Variants in ASZ1 observed in about 807,000 individuals in gnomAD.
The protein encoded by ASZ1 is ankyrin repeat, SAM and basic leucine zipper domain containing 1.
ASZ1 carries 67 observed loss-of-function variants against 61.8 expected under a neutral mutation model. The ratio of observed to expected loss-of-function variants is 1.08; its 90% CI spans 0.89 to 1.33. ASZ1 has a LOEUF of 1.33. ASZ1 is among the 40% of genes most tolerant of loss of function. The pLI is 0.00. For synonymous variants in ASZ1, 193 were observed against 192.7 expected, an observed-to-expected ratio of 1.00 and a Z score of -0.01; for missense variants, 577 against 554.5, an observed-to-expected ratio of 1.04 and a Z score of -0.41.
intron 4 of ASZ1, among the ~76,000 whole-genome samples, chr7:117,402,118 A>G (rs1358811410): frequency 6.6e-6 from 1 of 152,176 alleles, no homozygotes; most frequent in Non-Finnish European, 1.5e-5. Context: ...AGGTTTTTCT[A>G]AGCACTTGAG....
chr7:117,407,410 A>G (rs1796805417), intron 4 of ASZ1, among the ~76,000 whole-genome samples: 1 of 141,378 alleles, frequency 7.1e-6, no homozygotes, highest in Non-Finnish European at 1.6e-5. Flanking sequence ...ACACGGAAGT[A>G]AAAAAAAAAA....
At chr7:117,399,698 T>G (rs1796643748) in intron 4 of ASZ1, among the ~76,000 whole-genome samples, 2 of 146,798 alleles carry the variant, frequency 1.4e-5, no homozygotes. Flanking sequence ...GGGTGGGGGC[T>G]GGGAGGTTTG....
rs117245858 is a variant in ASZ1, at chr7:117,411,348, A to G, written c.440+8815T>C. On this transcript the variant is annotated intron_variant, in intron 4 of 12. Transcript: ENST00000284629. ...ATAAATTTTAAAATGATAATGGGGCAATTTATTACAAATATATAAAAGGCT... is the reference window on the plus strand; with the variant it reads ...ATAAATTTTAAAATGATAATGGGGCGATTTATTACAAATATATAAAAGGCT... Among the ~76,000 whole-genome samples the G allele has an allele frequency of 4.8e-4, 73 of 151,936 alleles. No homozygotes were observed. The East Asian group carries it at 0.013, about 28-fold the overall frequency.
intron 4 of ASZ1, among the ~76,000 whole-genome samples, chr7:117,413,401 AAC>A (rs1474853642): frequency 6.6e-6 from 1 of 152,072 alleles, no homozygotes; most frequent in Non-Finnish European, 1.5e-5. Context: ...ACAAGCAATT[AAC>A]ACAGTGCCTA....
chr7:117,372,883 A>G (rs1376175232), intron 10 of ASZ1, among the ~76,000 whole-genome samples: 1 of 152,138 alleles, frequency 6.6e-6, no homozygotes, highest in Non-Finnish European at 1.5e-5. Context: ...TTTTCCCATG[A>G]CATTAAGTTT....
intron 4 of ASZ1, among the ~76,000 whole-genome samples, chr7:117,414,430 G>A (rs971886795): frequency 4.6e-5 from 7 of 152,068 alleles, no homozygotes; most frequent in African/African-American, 1.4e-4. Context: ...CTCCTTTAAT[G>A]TATCTATTTA....
chr7:117,378,658 T>C (rs1025453156), intron 10 of ASZ1, among the ~76,000 whole-genome samples: 2 of 152,056 alleles, frequency 1.3e-5, no homozygotes, highest in African/African-American at 4.8e-5. Context: ...CCGTACAACC[T>C]AACAATTGTC....
chr7:117,375,097 A>C (rs865808404), intron 10 of ASZ1, among the ~76,000 whole-genome samples: 5 of 152,072 alleles, frequency 3.3e-5, no homozygotes, highest in Non-Finnish European at 5.9e-5. Flanking sequence ...TGGTGTTGCT[A>C]AGTGACATAA....
intron 2 of ASZ1, among the ~76,000 whole-genome samples, chr7:117,425,547 C>T (rs935536354): frequency 3.3e-5 from 5 of 151,816 alleles, no homozygotes; most frequent in Non-Finnish European, 5.9e-5. Context: ...GGATTACAGG[C>T]GTGAGCCACC....
In ASZ1 at chr7:117,379,979, T is replaced by C; in HGVS notation, c.1014A>G (p.Ile338Met). 6.2e-7 allele frequency: 1 copy of C among 1,607,248 alleles called. No individual in the cohort carries two copies. Among genetic ancestry groups the C allele is most frequent in the Non-Finnish European group, 8.5e-7 (1 of 1,176,310 alleles). The change falls in exon 10 of 13, where the codon ATA becomes ATG. Residue 338 changes from isoleucine to methionine, a missense_variant. Transcript: ENST00000284629. ...AALKELQVEE[I>M]QFGELSEETK... Reference sequence around the variant, plus strand: ...TCTCTTCAGATAGCTCTCCAAATTGTATCTCTTCTACCTGTAGTTCTTTAA... The same window carrying C: ...TCTCTTCAGATAGCTCTCCAAATTGCATCTCTTCTACCTGTAGTTCTTTAA...
intron 10 of ASZ1, among the ~76,000 whole-genome samples, chr7:117,370,257 A>C (rs1189800377): frequency 6.6e-6 from 1 of 152,214 alleles, no homozygotes; most frequent in African/African-American, 2.4e-5. Context: ...GTAGTATTAG[A>C]GATGTCTCCA....
At position 117,422,341 on chromosome 7, in the gene ASZ1, T is replaced by G; in HGVS notation, c.224A>C (p.Asn75Thr). ...LLDSGISVDS[N>T]FQYGWTPLMY... ...AAGGGGAGTCCATCCATACTGAAAG[T>G]TGGAATCTACACTAATGCCTGTCAA... Residue 75 changes from asparagine (N) to threonine (T), a missense_variant, in exon 3 of 13, where the codon AAC (asparagine) becomes ACC (threonine). Coordinates refer to ENST00000284629, the MANE Select transcript of ASZ1 (RefSeq NM_130768.3). The G allele has an allele frequency of 6.2e-7, 1 of 1,612,026 alleles. No individual in the cohort carries two copies. Among genetic ancestry groups the G allele is most frequent in the Non-Finnish European group, 8.5e-7 (1 of 1,179,364 alleles).
At chr7:117,416,341 C>G (rs1309454944) in intron 4 of ASZ1, among the ~76,000 whole-genome samples, 1 of 152,198 alleles carries the variant, frequency 6.6e-6, no homozygotes, top group Admixed American at 6.5e-5. Flanking sequence ...AGCCTAAATA[C>G]TTTAAAATTC....
intron 4 of ASZ1, among the ~76,000 whole-genome samples, chr7:117,394,726 T>G (rs1197207515): frequency 6.6e-6 from 1 of 152,172 alleles, no homozygotes; most frequent in Non-Finnish European, 1.5e-5. Context: ...TTCCATTTCT[T>G]TAGCCCTTTG....
chr7:117,366,492 T>C (rs1795941768), intron 12 of ASZ1, among the ~76,000 whole-genome samples: 1 of 152,012 alleles, frequency 6.6e-6, no homozygotes, highest in African/African-American at 2.4e-5. Flanking sequence ...AATTTATGTA[T>C]TAAACAGATA....
At chr7:117,375,420 A>C (rs2116457014) in intron 10 of ASZ1, among the ~76,000 whole-genome samples, 1 of 151,966 alleles carries the variant, frequency 6.6e-6, no homozygotes, top group South Asian at 2.1e-4. Context: ...AAACTTAAAA[A>C]CTCTTAATGA....
chr7:117,404,366 G>A (rs1375743627), intron 4 of ASZ1, among the ~76,000 whole-genome samples: 2 of 151,134 alleles, frequency 1.3e-5, no homozygotes, highest in Non-Finnish European at 2.9e-5. Flanking sequence ...GCCATTAGCA[G>A]GTTGCCTACA....
rs1194347208 is a variant in ASZ1, at chr7:117,368,800, C to A, written c.1056-83G>T. 1.9e-6 allele frequency: 3 copies of A among 1,578,830 alleles called. No homozygotes were observed. The African/African-American group carries it at 4.1e-5, about 22-fold the overall frequency. On this transcript the variant is annotated intron_variant, in intron 10 of 12. Coordinates refer to ENST00000284629, the MANE Select transcript of ASZ1 (RefSeq NM_130768.3). The stretch of plus-strand genomic sequence containing the variant: ...TTCTACTAGGCAAGTTACTGAAAAT[C>A]TAGTCATAAAATTAGATTCTTCCAA...
At chr7:117,425,626 T>G (rs1797189108) in intron 2 of ASZ1, among the ~76,000 whole-genome samples, 1 of 120,356 alleles carries the variant, frequency 8.3e-6, no homozygotes, top group Admixed American at 1.0e-4. Context: ...AATTTAAAGT[T>G]TTTTTTTTAT....
Sources: allele counts gnomAD v4.1 joint callset (sites outside exome capture counted in the v4.1 genomes callset), GRCh38; gene constraint gnomAD v4.1.1; transcripts MANE v1.5; gene names NCBI Gene and HGNC (gene_info 2026-07-23, HGNC 2026-07-21).